CAMKK2: variants seen among roughly 807,000 people sequenced by gnomAD.
CAMKK2 encodes the protein calcium/calmodulin-dependent protein kinase kinase 2.
A neutral mutation model predicts 67.2 loss-of-function variants in CAMKK2; 30 were observed. The observed-to-expected ratio is 0.45, with a 90% CI of 0.33 to 0.61. The LOEUF (loss-of-function observed/expected upper bound fraction) is 0.61. Among genes scored for constraint, CAMKK2 ranks in the 20% least tolerant of loss-of-function variants. The pLI, the probability that CAMKK2 is intolerant of heterozygous loss-of-function variation, is 0.02. For synonymous variants in CAMKK2, 322 were observed against 326.2 expected (o/e 0.99, Z 0.14); for missense variants, 643 against 802.0 (o/e 0.80, Z 2.39).
At position 121,249,831 on chromosome 12, in the gene CAMKK2, G is replaced by C. The variant is rs1890298660; in HGVS notation, c.1279C>G (p.Leu427Val). The change falls in exon 13 of 17, where the codon CTG becomes GTG. Residue 427 changes from leucine (L) to valine (V), a missense_variant. This residue lies in a region of CAMKK2 where 483 missense variants were observed against 625.8 expected (regional missense o/e 0.77). Coordinates refer to ENST00000404169, the MANE Select transcript of CAMKK2 (RefSeq NM_001270485.2). ...EDLKDLITRM[L>V]DKNPESRIVV... ...ATCCTCGACTCGGGGTTCTTGTCCAGCATACGGGTGATCAGGTCCTTCAAG... is the reference window on the plus strand; with the variant it reads ...ATCCTCGACTCGGGGTTCTTGTCCACCATACGGGTGATCAGGTCCTTCAAG... 1 of 1,614,086 alleles carries C rather than the reference G, an allele frequency of 6.2e-7. No individual in the cohort carries two copies. Among genetic ancestry groups the C allele is most frequent in the African/African-American group, 1.3e-5 (1 of 74,924 alleles).
At chr12:121,263,045 T>C (rs1476424285) in intron 6 of CAMKK2, among the ~76,000 whole-genome samples, 1 of 152,150 alleles carries the variant, frequency 6.6e-6, no homozygotes, top group African/African-American at 2.4e-5. Context: ...CTCAGCTCAC[T>C]GCAACCTCTG....
chr12:121,240,640 G>T lies in CAMKK2; in HGVS notation c.*59C>A. On this transcript the variant is annotated 3_prime_UTR_variant, in exon 17 of 17. Transcript: ENST00000404169. The surrounding 1 kb of genome is among the most constrained non-coding windows in gnomAD (Gnocchi z 4.4). ...GTAGGACATGCTGCTATGGAAACGC[G>T]GTGCAGCAGCCCCCCAGAGGCGACG... The T allele has an allele frequency of 6.5e-7, 1 of 1,539,302 alleles. No individual in the cohort carries two copies. The highest frequency in any genetic ancestry group is 8.7e-7 in the Non-Finnish European group (1 of 1,148,650).
At chr12:121,291,226 C>T (rs1899949854) in intron 1 of CAMKK2, among the ~76,000 whole-genome samples, 1 of 152,222 alleles carries the variant, frequency 6.6e-6, no homozygotes, top group Admixed American at 6.5e-5. Flanking sequence ...TGAGTGATTT[C>T]AAGAAACCTT....
In CAMKK2 at chr12:121,240,559, GA is replaced by G. The variant is rs565451101; in HGVS notation, c.*139del. ...TTTTGTCCCCTTTAAAACAACAAAG[GA>G]AAAAACAAATAACCAGAGATGACGA... On this transcript the variant is annotated 3_prime_UTR_variant, in exon 17 of 17. Coordinates refer to ENST00000404169, the MANE Select transcript of CAMKK2 (RefSeq NM_001270485.2). This position sits in a 1 kb window ranked among gnomAD's most constrained non-coding sequence, Gnocchi z 4.4. 828 of 1,529,534 alleles carry G rather than the reference GA, an allele frequency of 5.4e-4. 3 individuals carry two copies. The African/African-American group carries it at 0.01, about 19-fold the overall frequency. 94.7% of individuals were successfully genotyped at this position (1,529,534 alleles called of 1,614,324 possible).
At position 121,253,658 on chromosome 12, in the gene CAMKK2, G is replaced by A. The variant is rs946827900; in HGVS notation, c.908-186C>T. Among the ~76,000 whole-genome samples the A allele has an allele frequency of 8.5e-5, 13 of 152,232 alleles. 1 individual carries two copies. In the South Asian group the frequency reaches 2.3e-3, roughly 27 times the overall value. ...GGCACTGACATGCTCTAAAAGATGA[G>A]GGGAAAAGTGTCTTCAAGGAAGTCC... On this transcript the variant is annotated intron_variant, in intron 9 of 16. Coordinates refer to ENST00000404169, the MANE Select transcript of CAMKK2 (RefSeq NM_001270485.2). The surrounding 1 kb of genome is among the most constrained non-coding windows in gnomAD (Gnocchi z 5.0).
At chr12:121,288,831 C>T (rs377312670) in intron 1 of CAMKK2, among the ~76,000 whole-genome samples, 3 of 151,278 alleles carry the variant, frequency 2.0e-5, no homozygotes, top group African/African-American at 7.3e-5. Context: ...TTACAGAAGC[C>T]ACCAGGATAA....
rs1293336535 is a variant in CAMKK2, at chr12:121,246,546, C to CA, written c.1453-1307dup. Among the ~76,000 whole-genome samples the CA allele has an allele frequency of 2.6e-3, 387 of 147,012 alleles. 3 individuals are homozygous for CA. Among genetic ancestry groups the CA allele is most frequent in the African/African-American group, 8.8e-3 (351 of 40,102 alleles). On this transcript the variant is annotated intron_variant, in intron 14 of 16. Transcript: ENST00000404169. ...GGGCAACGAGAGCAAAACTCCATCT[C>CA]AAAAAAAAAAGAGAGAGAGAATGAA...
At chr12:121,271,748 C>T (rs1895828047) in intron 2 of CAMKK2, among the ~76,000 whole-genome samples, 1 of 152,142 alleles carries the variant, frequency 6.6e-6, no homozygotes, top group African/African-American at 2.4e-5. Flanking sequence ...GCTCTTGTTG[C>T]CCAGGCTGGA....
chr12:121,240,369 C>A lies in CAMKK2; in HGVS notation c.*330G>T. The A allele has an allele frequency of 7.2e-7, 1 of 1,396,996 alleles. No homozygotes were observed. The highest frequency in any genetic ancestry group is 1.3e-5 in the South Asian group (1 of 77,886). The allele number at this position is 1,396,996 out of a possible 1,614,324, so 86.5% of individuals were successfully genotyped here. On this transcript the variant is annotated 3_prime_UTR_variant, in exon 17 of 17. Transcript: ENST00000404169. The surrounding 1 kb of genome is among the most constrained non-coding windows in gnomAD (Gnocchi z 4.4). ...CCCCACACACAGTCACTTGGTATATCTGACGTGGTTCTGAAAATCACAATG... is the reference window on the plus strand; with the variant it reads ...CCCCACACACAGTCACTTGGTATATATGACGTGGTTCTGAAAATCACAATG...
intron 5 of CAMKK2, among the ~76,000 whole-genome samples, chr12:121,267,393 T>C (rs1409184009): frequency 1.3e-5 from 2 of 152,036 alleles, no homozygotes; most frequent in Non-Finnish European, 2.9e-5. Context: ...ATTATAGGCA[T>C]GAGCCACCGT....
Position 121,255,777 on chromosome 12 carries a change from A to C in CAMKK2, c.818+6T>G. The C allele has an allele frequency of 6.2e-7, 1 of 1,613,948 alleles. No homozygotes were observed. The highest frequency in any genetic ancestry group is 8.5e-7 in the Non-Finnish European group (1 of 1,179,916). On this transcript the variant is annotated splice_donor_region_variant and intron_variant, in intron 8 of 16. Coordinates refer to ENST00000404169, the MANE Select transcript of CAMKK2 (RefSeq NM_001270485.2). Reference sequence around the variant, plus strand: ...CATCACCCCTGCTGGGAGCTGGGACACTCACCCTTGGTTGACCAGTTCGAA... The same window carrying C: ...CATCACCCCTGCTGGGAGCTGGGACCCTCACCCTTGGTTGACCAGTTCGAA...
At chr12:121,242,716 C>T (rs1325146893) in intron 16 of CAMKK2, among the ~76,000 whole-genome samples, 1 of 152,306 alleles carries the variant, frequency 6.6e-6, no homozygotes, top group Non-Finnish European at 1.5e-5. Context: ...CTGACTCCCA[C>T]GGGATGGGTG....
chr12:121,268,090 A>ATATATATATATATATATATG (rs1437351062), intron 5 of CAMKK2, among the ~76,000 whole-genome samples: 3 of 144,954 alleles, frequency 2.1e-5, no homozygotes, highest in African/African-American at 7.7e-5. Context: ...ATGCATATAT[A>ATATATATATATATATATATG]TATATATATA....
chr12:121,266,070 T>G (rs1037016858), intron 5 of CAMKK2, among the ~76,000 whole-genome samples: 1 of 152,138 alleles, frequency 6.6e-6, no homozygotes, highest in African/African-American at 2.4e-5. Flanking sequence ...TAGCTAGGAC[T>G]ACAGGTGCAC....
rs375829867 is a variant in CAMKK2, at chr12:121,252,650, C to T, written c.1161+11G>A. 1.9e-5 allele frequency: 31 copies of T among 1,613,744 alleles called. No homozygotes were observed. The highest frequency in any genetic ancestry group is 6.7e-5 in the African/African-American group (5 of 74,936). On this transcript the variant is annotated intron_variant, in intron 11 of 16. Transcript: ENST00000404169. ...AGCAGTACTGAGGGGACAGACACCC[C>T]GCCCTCTTACCTGGCCAAAGACAAA...
At chr12:121,277,827 C>T (rs181453175) in intron 1 of CAMKK2, among the ~76,000 whole-genome samples, 5 of 152,136 alleles carry the variant, frequency 3.3e-5, no homozygotes, top group Non-Finnish European at 7.4e-5. Context: ...ATTAGCCAGG[C>T]GTGGTGTTGG....
chr12:121,291,622 G>A (rs1229978520), intron 1 of CAMKK2, among the ~76,000 whole-genome samples: 2 of 152,196 alleles, frequency 1.3e-5, no homozygotes, highest in African/African-American at 2.4e-5. Flanking sequence ...GCTGCAGGGA[G>A]GGGCACTGGG....
chr12:121,255,787 G>T lies in CAMKK2; in HGVS notation c.814C>A (p.Gln272Lys). The T allele has an allele frequency of 6.2e-7, 1 of 1,613,932 alleles. No homozygotes were observed. The highest frequency in any genetic ancestry group is 1.1e-5 in the South Asian group (1 of 91,064). Residue 272 changes from glutamine (Q) to lysine (K), a missense_variant, in exon 8 of 17, where the codon CAA becomes AAA. Gln to Lys is a moderately conservative substitution (Grantham distance 53). Around this residue, in one of 3 missense-constraint regions of CAMKK2, gnomAD observed 483 missense variants for 625.8 expected, o/e 0.77. Coordinates refer to ENST00000404169, the MANE Select transcript of CAMKK2 (RefSeq NM_001270485.2). ...HLYMVFELVN[Q>K]GPVMEVPTLK... Reference sequence around the variant, plus strand: ...GCTGGGAGCTGGGACACTCACCCTTGGTTGACCAGTTCGAACACTGTAGGG... The same window carrying T: ...GCTGGGAGCTGGGACACTCACCCTTTGTTGACCAGTTCGAACACTGTAGGG...
At chr12:121,250,579 T>G (rs542506804) in intron 11 of CAMKK2, among the ~76,000 whole-genome samples, 7 of 152,186 alleles carry the variant, frequency 4.6e-5, no homozygotes, top group African/African-American at 1.7e-4. Context: ...GAGGACTTCC[T>G]GAAGCCCTGT....
Sources: gnomAD v4.1 joint callset for allele counts (sites outside exome capture counted in the v4.1 genomes callset) on GRCh38, gnomAD v4.1.1 for gene constraint, gnomAD v4.1.1 regional missense constraint, Gnocchi (gnomAD v3.1) non-coding constraint, MANE v1.5 for transcripts, NCBI Gene and HGNC (gene_info 2026-07-23, HGNC 2026-07-21) for gene names.